GALNT15: variants seen among roughly 807,000 people sequenced by gnomAD.
GALNT15 encodes polypeptide N-acetylgalactosaminyltransferase 15, also known as UDP-GalNAc transferase T15.
A neutral mutation model predicts 66.8 loss-of-function variants in GALNT15; 67 were observed. That is an observed-to-expected ratio of 1.00 (90% CI 0.82 to 1.23). GALNT15 has a LOEUF of 1.23. GALNT15 is among the 50% of genes most tolerant of loss of function. The pLI is 0.00. For synonymous variants in GALNT15, 313 were observed against 311.5 expected (o/e 1.00, Z -0.05); for missense variants, 827 against 804.3 (o/e 1.03, Z -0.34).
Position 16,212,659 on chromosome 3 carries a change from C to G in GALNT15, c.1288C>G (p.Gln430Glu). The change falls in exon 6 of 10, where the codon CAG becomes GAG. Residue 430 changes from glutamine to glutamate, a missense_variant. Physicochemically the swap from Gln to Glu is conservative, Grantham distance 29 (BLOSUM62 2). Transcript: ENST00000339732. ...QNQDSHSPLD[Q>E]EATLRNRVRI... ...TCAGGATTCCCATTCCCCCCTCGAC[C>G]AGGAGGCCACCCTGAGGAACAGGGT... 4.3e-6 allele frequency: 7 copies of G among 1,614,070 alleles called. No homozygotes were observed. The highest frequency in any genetic ancestry group is 5.9e-6 in the Non-Finnish European group (7 of 1,180,014).
At chr3:16,231,448 TGGAGTAGTA>T (rs2064080748), downstream of GALNT15, among the ~76,000 whole-genome samples, 1 of 152,216 alleles carries the variant, frequency 6.6e-6, no homozygotes, top group Non-Finnish European at 1.5e-5. This position sits in a 1 kb window ranked among gnomAD's most constrained non-coding sequence, Gnocchi z 4.1. Flanking sequence ...GGATCTTTGC[TGGAGTAGTA>T]GTTCTTTCCA....
Position 16,219,546 on chromosome 3 carries a change from C to T in GALNT15, c.1524+12C>T, listed in dbSNP as rs1236807229. The T allele has an allele frequency of 4.3e-6, 7 of 1,613,036 alleles. No individual in the cohort carries two copies. Among genetic ancestry groups the T allele is most frequent in the Middle Eastern group, 1.7e-4 (1 of 6,022 alleles). The stretch of plus-strand genomic sequence containing the variant: ...GTTTCTCTGGAAAGGCAAGGCATGA[C>T]CCAGGGAAGATGGGGAGGGACAGGG... On this transcript the variant is annotated intron_variant, in intron 7 of 9. Coordinates refer to ENST00000339732, the MANE Select transcript of GALNT15 (RefSeq NM_054110.5). The surrounding 1 kb of genome is among the most constrained non-coding windows in gnomAD (Gnocchi z 4.3).
the GALNT15 span, among the ~76,000 whole-genome samples, chr3:16,241,542 ACTTTTTTTT>A: frequency 6.8e-4 from 104 of 152,080 alleles, no homozygotes; most frequent in African/African-American, 2.0e-3. This position sits in a 1 kb window ranked among gnomAD's most constrained non-coding sequence, Gnocchi z 4.6. Flanking sequence ...TAAAACAGCA[ACTTTTTTTT>A]CTTTTTTTTC....
rs1400464472 is a variant in GALNT15, at chr3:16,186,260, C to T, written c.540-9500C>T. ...CCACAATGAGATGACATTTTACCCC[C>T]ACTAGGATGGCTGAAGTAAAAGACA... is the stretch of plus-strand genomic sequence containing the variant. On this transcript the variant is annotated intron_variant, in intron 1 of 9. Transcript: ENST00000339732. The surrounding 1 kb of genome is among the most constrained non-coding windows in gnomAD (Gnocchi z 5.1). 6.6e-6 allele frequency among the ~76,000 whole-genome samples: 1 copy of T among 152,172 alleles called. No homozygotes were observed. Among genetic ancestry groups the T allele is most frequent in the African/African-American group, 2.4e-5 (1 of 41,436 alleles).
downstream of GALNT15, among the ~76,000 whole-genome samples, chr3:16,233,046 A>T (rs151193668): frequency 1.1e-3 from 167 of 147,902 alleles, no homozygotes; most frequent in African/African-American, 3.9e-3. Context: ...CTCTTTTTGA[A>T]GCCACATGGT....
rs1018405144 is a variant in GALNT15 at position 16,191,405 on chromosome 3, A to G, written c.540-4355A>G. 7.9e-5 allele frequency: 70 copies of G among 888,486 alleles called. No individual in the cohort carries two copies. Among genetic ancestry groups the G allele is most frequent in the Admixed American group, 6.2e-5 (1 of 16,138 alleles). 55.0% of individuals were successfully genotyped at this position (888,486 alleles called of 1,614,324 possible). On this transcript the variant is annotated intron_variant, in intron 1 of 9. Transcript: ENST00000339732. The surrounding 1 kb of genome is among the most constrained non-coding windows in gnomAD (Gnocchi z 5.2). ...TGCCACCCACTGTTCTTGGTGCTTT[A>G]TAAAGATCATTTCATCTCCACAACA... is the stretch of plus-strand genomic sequence containing the variant.
chr3:16,200,836 C>A lies in GALNT15; in HGVS notation c.911+13C>A. The A allele has an allele frequency of 6.3e-7, 1 of 1,586,984 alleles. No individual in the cohort carries two copies. Among genetic ancestry groups the A allele is most frequent in the Non-Finnish European group, 8.6e-7 (1 of 1,166,720 alleles). ...TAGCTGGTGACAGGTAACTTATTCCCTGGGCTTGCAAAGCAAGACATGGAA... is the reference window on the plus strand; with the variant it reads ...TAGCTGGTGACAGGTAACTTATTCCATGGGCTTGCAAAGCAAGACATGGAA... On this transcript the variant is annotated intron_variant, in intron 3 of 9. Coordinates refer to ENST00000339732, the MANE Select transcript of GALNT15 (RefSeq NM_054110.5). This position sits in a 1 kb window ranked among gnomAD's most constrained non-coding sequence, Gnocchi z 4.4.
chr3:16,181,014 C>G lies in GALNT15; in HGVS notation c.539+5324C>G, dbSNP rs1034015986. Among the ~76,000 whole-genome samples, 1 of 152,160 alleles carries G rather than the reference C, an allele frequency of 6.6e-6. No individual in the cohort carries two copies. Among genetic ancestry groups the G allele is most frequent in the Non-Finnish European group, 1.5e-5 (1 of 68,032 alleles). ...GCATAAGGTTGTAGAGAAAATGAGACACAACGTGTGATGATTTTCCTTGTG... is the reference window on the plus strand; with the variant it reads ...GCATAAGGTTGTAGAGAAAATGAGAGACAACGTGTGATGATTTTCCTTGTG... On this transcript the variant is annotated intron_variant, in intron 1 of 9. Coordinates refer to ENST00000339732, the MANE Select transcript of GALNT15 (RefSeq NM_054110.5). This position sits in a 1 kb window ranked among gnomAD's most constrained non-coding sequence, Gnocchi z 5.9.
chr3:16,216,120 C>G (rs1304167735), intron 6 of GALNT15, among the ~76,000 whole-genome samples: 1 of 152,000 alleles, frequency 6.6e-6, no homozygotes, highest in Non-Finnish European at 1.5e-5. Flanking sequence ...AATTTTTAAA[C>G]CTGAGATCAA....
chr3:16,227,294 TC>T lies in GALNT15; in HGVS notation c.1774-59del. 6.5e-7 allele frequency: 1 copy of T among 1,541,372 alleles called. No homozygotes were observed. The highest frequency in any genetic ancestry group is 8.8e-7 in the Non-Finnish European group (1 of 1,138,444). ...ATTAGCACAAATCTTAAAAATATTT[TC>T]TTTTGCTGACTGATTGTGGGGGACT... is the stretch of plus-strand genomic sequence containing the variant. On this transcript the variant is annotated intron_variant, in intron 9 of 9. Transcript: ENST00000339732. The surrounding 1 kb of genome is among the most constrained non-coding windows in gnomAD (Gnocchi z 4.5).
chr3:16,230,755 T>C (rs1270014058), downstream of GALNT15, among the ~76,000 whole-genome samples: 2 of 152,242 alleles, frequency 1.3e-5, no homozygotes, highest in Admixed American at 6.5e-5. This position sits in a 1 kb window ranked among gnomAD's most constrained non-coding sequence, Gnocchi z 4.5. Flanking sequence ...GTGATCACTT[T>C]TGGGCAAAGC....
chr3:16,229,475 G>T lies in GALNT15; in HGVS notation c.*1975G>T. 1.0e-6 allele frequency: 1 copy of T among 982,988 alleles called. No homozygotes were observed. The highest frequency in any genetic ancestry group is 1.2e-6 in the Non-Finnish European group (1 of 827,766). The allele number at this position is 982,988 out of a possible 1,614,324, so 60.9% of individuals were successfully genotyped here. ...ATCACAGTTCTGTTGGACCAATCTA[G>T]ATAGATTCATTATCCCATCTAGAGA... On this transcript the variant is annotated 3_prime_UTR_variant, in exon 10 of 10. Transcript: ENST00000339732.
chr3:16,232,469 AATATATAT>A (rs374444719), downstream of GALNT15, among the ~76,000 whole-genome samples: 28 of 38,754 alleles, frequency 7.2e-4, no homozygotes, highest in South Asian at 4.9e-3. Context: ...TAAATAAATA[AATATATAT>A]ATATATATAT....
downstream of GALNT15, chr3:16,232,132 A>G (rs2064087849): frequency 4.1e-6 from 2 of 485,004 alleles, no homozygotes; most frequent in South Asian, 4.6e-5. Flanking sequence ...CCATATGGCT[A>G]TAGTGGGAGC....
At position 16,175,553 on chromosome 3, in the gene GALNT15, C is replaced by A. The variant is rs368205985; in HGVS notation, c.402C>A (p.Asp134Glu). The A allele has an allele frequency of 6.2e-7, 1 of 1,614,052 alleles. No individual in the cohort carries two copies. Among genetic ancestry groups the A allele is most frequent in the Non-Finnish European group, 8.5e-7 (1 of 1,179,972 alleles). ...AGGATAAGGAAGCCCCAAAGAGGGACTGGGGGGCTGATGAGGACGGGGAGG... is the reference window on the plus strand; with the variant it reads ...AGGATAAGGAAGCCCCAAAGAGGGAATGGGGGGCTGATGAGGACGGGGAGG... Reference protein sequence around the residue: ...RRQDKEAPKRDWGADEDGEVS... With the variant: ...RRQDKEAPKREWGADEDGEVS... Residue 134 changes from aspartate to glutamate, a missense_variant, in exon 1 of 10, where the codon GAC (aspartate) becomes GAA (glutamate). Coordinates refer to ENST00000339732, the MANE Select transcript of GALNT15 (RefSeq NM_054110.5). This position sits in a 1 kb window ranked among gnomAD's most constrained non-coding sequence, Gnocchi z 5.6.
intron 1 of GALNT15, among the ~76,000 whole-genome samples, chr3:16,178,710 A>G (rs191754524): frequency 1.3e-5 from 2 of 152,200 alleles, no homozygotes; most frequent in African/African-American, 4.8e-5. Flanking sequence ...TTCGGCTCCT[A>G]CCCCTTTAAA....
At chr3:16,232,097 ACT>A (rs1239344539), downstream of GALNT15, 32 of 771,494 alleles carry the variant, frequency 4.1e-5, no homozygotes, top group Non-Finnish European at 5.8e-5. Flanking sequence ...ATTCTCCAAA[ACT>A]CTCCAAAATT....
At chr3:16,231,951 A>G (rs2064086183), downstream of GALNT15, 3 of 1,521,424 alleles carry the variant, frequency 2.0e-6, no homozygotes, top group Non-Finnish European at 2.6e-6. This position sits in a 1 kb window ranked among gnomAD's most constrained non-coding sequence, Gnocchi z 4.1. Context: ...CAAGGGTGGC[A>G]TTGTTTAATG....
chr3:16,175,591 A>T lies in GALNT15; in HGVS notation c.440A>T (p.Glu147Val). 1 of 1,613,682 alleles carries T rather than the reference A, an allele frequency of 6.2e-7. No individual in the cohort carries two copies. Among genetic ancestry groups the T allele is most frequent in the Non-Finnish European group, 8.5e-7 (1 of 1,179,990 alleles). Reference protein sequence around the residue: ...ADEDGEVSEEEELTPFSLDPR... With the variant: ...ADEDGEVSEEVELTPFSLDPR... Reference sequence around the variant, plus strand: ...GAGGACGGGGAGGTGTCTGAAGAAGAGGAGTTGACCCCGTTCAGCCTGGAC... The same window carrying T: ...GAGGACGGGGAGGTGTCTGAAGAAGTGGAGTTGACCCCGTTCAGCCTGGAC... Residue 147 changes from glutamate (E) to valine (V), a missense_variant, in exon 1 of 10, where the codon GAG becomes GTG. Transcript: ENST00000339732. This position sits in a 1 kb window ranked among gnomAD's most constrained non-coding sequence, Gnocchi z 5.6.
Sources: allele counts gnomAD v4.1 joint callset (sites outside exome capture counted in the v4.1 genomes callset), GRCh38; gene constraint gnomAD v4.1.1; non-coding constraint Gnocchi (gnomAD v3.1); transcripts MANE v1.5; gene names NCBI Gene and HGNC (gene_info 2026-07-23, HGNC 2026-07-21).